The following PPP2R2B variants were observed in gnomAD, a reference collection of about 807,000 sequenced individuals.
PPP2R2B encodes the protein serine/threonine-protein phosphatase 2A 55 kDa regulatory subunit B beta isoform.
A neutral mutation model predicts 46.0 loss-of-function variants in PPP2R2B; 5 were observed. The observed-to-expected ratio is 0.11, with a 90% CI of 0.06 to 0.23. The LOEUF (loss-of-function observed/expected upper bound fraction) is 0.23. PPP2R2B is among the 10% of genes least tolerant of loss of function. The pLI, the probability that PPP2R2B is intolerant of heterozygous loss-of-function variation, is 1.00. For missense variants in PPP2R2B, 367 were observed against 575.0 expected, an observed-to-expected ratio of 0.64 and a Z score of 3.70; for synonymous variants, 215 against 206.7, an observed-to-expected ratio of 1.04 and a Z score of -0.34.
chr5:146,988,180 CA>C (rs1159615214), intron 1 of PPP2R2B, among the ~76,000 whole-genome samples: 3 of 151,752 alleles, frequency 2.0e-5, no homozygotes, highest in Non-Finnish European at 4.4e-5. Context: ...TAGGAGAGTT[CA>C]ACACCCAACT....
intron 2 of PPP2R2B, among the ~76,000 whole-genome samples, chr5:146,851,685 G>T (rs114284946): frequency 0.011 from 1,614 of 152,130 alleles, 34 homozygotes; most frequent in African/African-American, 0.037. Context: ...AAAACACAAG[G>T]TATACCTTTT....
chr5:146,631,336 A>G (rs1246345759), intron 7 of PPP2R2B, among the ~76,000 whole-genome samples: 1 of 152,180 alleles, frequency 6.6e-6, no homozygotes, highest in Non-Finnish European at 1.5e-5. Flanking sequence ...ATGGCCCCTG[A>G]CCTCATCCCT....
At chr5:146,988,739 A>G (rs1259078006) in intron 1 of PPP2R2B, among the ~76,000 whole-genome samples, 1 of 151,832 alleles carries the variant, frequency 6.6e-6, no homozygotes, top group East Asian at 1.9e-4. Context: ...AACCCAGAAT[A>G]AGTAGAAAGA....
chr5:146,999,013 CAAAAAAAA>C (rs60753702), intron 1 of PPP2R2B, among the ~76,000 whole-genome samples: 95 of 65,312 alleles, frequency 1.5e-3, no homozygotes, highest in African/African-American at 5.3e-3. Context: ...GACTCCATAT[CAAAAAAAA>C]AAAAAAAAAA....
chr5:147,041,633 C>A (rs2151897166), intron 1 of PPP2R2B, among the ~76,000 whole-genome samples: 1 of 152,132 alleles, frequency 6.6e-6, no homozygotes, highest in South Asian at 2.1e-4. Context: ...TTAGAAGGCA[C>A]TGGGGTACTT....
rs1227722150 is a variant in PPP2R2B at position 146,583,114 on chromosome 5, C to A, written c.*6833G>T. ...TGCTGTTTTGCCTCCACTGTCCTAT[C>A]CTGATGTCTGGAATATGCTTTTCCT... On this transcript the variant is annotated 3_prime_UTR_variant, in exon 10 of 10. Coordinates refer to ENST00000394411, the MANE Select transcript of PPP2R2B (RefSeq NM_181675.4). 6.6e-6 allele frequency: 1 copy of A among 152,140 alleles called. No homozygotes were observed. Among genetic ancestry groups the A allele is most frequent in the Non-Finnish European group, 1.5e-5 (1 of 68,050 alleles). The allele number at this position is 152,140 out of a possible 1,614,324, so 9.4% of individuals were successfully genotyped here. A position where few individuals can be genotyped will look rare whatever the true frequency, so the allele number is the denominator to read the frequency against.
At chr5:146,723,291 C>T (rs1277082509) in intron 2 of PPP2R2B, among the ~76,000 whole-genome samples, 2 of 152,312 alleles carry the variant, frequency 1.3e-5, no homozygotes, top group East Asian at 1.9e-4. Flanking sequence ...TGAAACCTCT[C>T]ACCTCCACAC....
intron 1 of PPP2R2B, among the ~76,000 whole-genome samples, chr5:146,999,481 T>C (rs1405225630): frequency 4.6e-5 from 7 of 152,208 alleles, no homozygotes; most frequent in Non-Finnish European, 7.3e-5. Context: ...GATTCTGATT[T>C]ACTTAGTTGG....
Position 147,069,801 on chromosome 5 carries a change from T to TTTTGTTTTTTTTTC in PPP2R2B, c.50+11257_50+11258insGAAAAAAAAACAAA, listed in dbSNP as rs1561611962. Among the ~76,000 whole-genome samples, 27 of 131,570 alleles carry TTTTGTTTTTTTTTC rather than the reference T, an allele frequency of 2.1e-4. 2 individuals are homozygous for TTTTGTTTTTTTTTC. The highest frequency in any genetic ancestry group is 8.1e-4 in the African/African-American group (26 of 31,910). 86.3% of individuals were successfully genotyped at this position (131,570 alleles called of 152,430 possible). ...TTTTATACTGTTTTTTTTTTTTTTT[T>TTTTGTTTTTTTTTC]TTTTTTTGAGATGGAGTCTTGCTCT... On this transcript the variant is annotated intron_variant, in intron 2 of 10. Coordinates refer to the PPP2R2B transcript ENST00000394413.
At chr5:146,797,404 G>A (rs1459622536) in intron 2 of PPP2R2B, among the ~76,000 whole-genome samples, 1 of 152,148 alleles carries the variant, frequency 6.6e-6, no homozygotes, top group East Asian at 1.9e-4. Context: ...ATTATACAGT[G>A]AGTCCATGTA....
At chr5:146,993,400 C>T (rs57617905) in intron 1 of PPP2R2B, among the ~76,000 whole-genome samples, 3,654 of 151,426 alleles carry the variant, frequency 0.024, 132 homozygotes, top group East Asian at 0.19. Context: ...CTCTACCACA[C>T]CTGACTAATT....
chr5:146,644,338 TC>T (rs1561798777), intron 6 of PPP2R2B, among the ~76,000 whole-genome samples: 1 of 151,614 alleles, frequency 6.6e-6, no homozygotes, highest in Non-Finnish European at 1.5e-5. Context: ...TTCTTTTATT[TC>T]CCCCTGAACC....
At chr5:146,771,075 C>T (rs1754824747) in intron 2 of PPP2R2B, among the ~76,000 whole-genome samples, 4 of 152,116 alleles carry the variant, frequency 2.6e-5, no homozygotes, top group African/African-American at 7.2e-5. Context: ...GAAATTATAA[C>T]GTTTCACTTT....
At chr5:146,998,071 C>G (rs1335308649) in intron 1 of PPP2R2B, among the ~76,000 whole-genome samples, 1 of 152,194 alleles carries the variant, frequency 6.6e-6, no homozygotes, top group African/African-American at 2.4e-5. Flanking sequence ...CCAGGCAAGG[C>G]TCATTATAGC....
intron 2 of PPP2R2B, among the ~76,000 whole-genome samples, chr5:146,852,488 C>T (rs755795020): frequency 1.3e-5 from 2 of 152,100 alleles, no homozygotes; most frequent in African/African-American, 2.4e-5. Context: ...AGGAAAGCCC[C>T]GTTATCAGGC....
chr5:146,817,036 G>A (rs1254668415), intron 2 of PPP2R2B, among the ~76,000 whole-genome samples: 1 of 152,200 alleles, frequency 6.6e-6, no homozygotes, highest in Non-Finnish European at 1.5e-5. Context: ...TTGTTGTGAT[G>A]AGCGTTGCTC....
chr5:147,055,993 C>T, upstream of PPP2R2B: 1 of 1,322,840 alleles, frequency 7.6e-7, no homozygotes, highest in Non-Finnish European at 9.7e-7. Context: ...GATATAGCCT[C>T]TTCATTGGCT....
At chr5:146,846,535 G>A (rs1760019997) in intron 2 of PPP2R2B, among the ~76,000 whole-genome samples, 1 of 151,348 alleles carries the variant, frequency 6.6e-6, no homozygotes, top group Non-Finnish European at 1.5e-5. Context: ...AAAATCAGCT[G>A]GGCATGGTGG....
chr5:147,072,292 A>G (rs1757625422), intron 2 of PPP2R2B, among the ~76,000 whole-genome samples: 1 of 152,240 alleles, frequency 6.6e-6, no homozygotes, highest in South Asian at 2.1e-4. Context: ...TAAAAGTAGA[A>G]AAGTCCTGTG....
Sources: gnomAD v4.1 joint callset for allele counts (sites outside exome capture counted in the v4.1 genomes callset) on GRCh38, gnomAD v4.1.1 for gene constraint, MANE v1.5 for transcripts, NCBI Gene and HGNC (gene_info 2026-07-23, HGNC 2026-07-21) for gene names.